ZC3H12B: variants seen among roughly 807,000 people sequenced by gnomAD.
ZC3H12B encodes probable ribonuclease ZC3H12B.
In ZC3H12B, 7 loss-of-function variants were observed where a neutral mutation model predicts 43.9. That is an observed-to-expected ratio of 0.16 (90% confidence interval 0.09 to 0.30). ZC3H12B has a LOEUF of 0.30. Among genes scored for constraint, ZC3H12B ranks in the 10% least tolerant of loss-of-function variants. The pLI is 1.00. For synonymous variants in ZC3H12B, 222 were observed against 241.7 expected (o/e 0.92, Z 0.76); for missense variants, 475 against 670.2 (o/e 0.71, Z 3.22).
the ZC3H12B span, among the ~76,000 whole-genome samples, chrX:65,182,470 G>T: frequency 1.8e-5 from 2 of 110,669 alleles, no homozygotes; most frequent in East Asian, 5.6e-4. Context: ...CTTGTCCAAG[G>T]TCATGATGCT....
rs1289304821 is a variant in ZC3H12B at position 65,420,756 on chromosome X, TA to T, written n.407+22061del. 4.6e-5 allele frequency among the ~76,000 whole-genome samples: 5 copies of T among 108,705 alleles called. 1 individual carries two copies. The highest frequency in any genetic ancestry group is 1.9e-5 in the Non-Finnish European group (1 of 52,012). 94.4% of individuals were successfully genotyped at this position (108,705 alleles called of 115,157 possible). A position where few individuals can be genotyped will look rare whatever the true frequency, so the allele number is the denominator to read the frequency against. On this transcript the variant is annotated intron_variant and non_coding_transcript_variant, in intron 3 of 5. Coordinates refer to the ZC3H12B transcript ENST00000617377. ...AGTTCCATAAATAAATAGAAACCAT[TA>T]AAAAAAAAGCCAAACAAAAATTTGG...
chrX:65,154,290 G>A, the ZC3H12B span, among the ~76,000 whole-genome samples: 167 of 111,296 alleles, frequency 1.5e-3, no homozygotes, highest in Non-Finnish European at 2.8e-3. Context: ...CACAAACATC[G>A]TATACATCTT....
chrX:65,344,941 A>G, the ZC3H12B span, among the ~76,000 whole-genome samples: 2 of 112,406 alleles, frequency 1.8e-5, no homozygotes, highest in Admixed American at 1.9e-4. Flanking sequence ...GTCAACAAGC[A>G]TATGAGGAAA....
upstream of ZC3H12B, among the ~76,000 whole-genome samples, chrX:65,361,987 C>T (rs111853537): frequency 3.6e-3 from 400 of 112,406 alleles, 3 homozygotes; most frequent in African/African-American, 0.012. Context: ...TAGGATCTTG[C>T]TTCAAGTGCC....
chrX:65,408,476 C>T, intron 3 of ZC3H12B: 1 of 1,211,274 alleles, frequency 8.3e-7, no homozygotes, highest in Non-Finnish European at 1.1e-6. Context: ...GCAAGCTCAG[C>T]ATCTTTCTTA....
chrX:65,117,464 C>A, the ZC3H12B span, among the ~76,000 whole-genome samples: 1 of 111,481 alleles, frequency 9.0e-6, no homozygotes, highest in Non-Finnish European at 1.9e-5. Flanking sequence ...GATATTAGAC[C>A]TTTGTCAGAT....
At chrX:65,256,027 A>G in the ZC3H12B span, among the ~76,000 whole-genome samples, 1 of 112,503 alleles carries the variant, frequency 8.9e-6, no homozygotes, top group Non-Finnish European at 1.9e-5. Flanking sequence ...GTAGCACACA[A>G]TTCATGAAAC....
chrX:65,129,926 A>T, the ZC3H12B span, among the ~76,000 whole-genome samples: 1 of 111,131 alleles, frequency 9.0e-6, no homozygotes, highest in African/African-American at 3.3e-5. Flanking sequence ...ATGTAGAATT[A>T]TTGGTGATGG....
the ZC3H12B span, among the ~76,000 whole-genome samples, chrX:65,310,224 A>G: frequency 8.9e-6 from 1 of 112,061 alleles, no homozygotes; most frequent in Non-Finnish European, 1.9e-5. Flanking sequence ...CTGTGTGCAG[A>G]TGATGTGATT....
chrX:65,234,534 A>G, the ZC3H12B span, among the ~76,000 whole-genome samples: 1 of 112,166 alleles, frequency 8.9e-6, no homozygotes, highest in African/African-American at 3.2e-5. Context: ...AGAAATAAAC[A>G]CAAGGTATTT....
chrX:65,070,816 G>GTTT, the ZC3H12B span, among the ~76,000 whole-genome samples: 6 of 56,048 alleles, frequency 1.1e-4, no homozygotes, highest in Admixed American at 4.1e-4. Flanking sequence ...TATGATTTCT[G>GTTT]TTTTTTTTTT....
At chrX:65,472,257 G>T (rs1045766614) in intron 3 of ZC3H12B, among the ~76,000 whole-genome samples, 35 of 111,399 alleles carry the variant, frequency 3.1e-4, no homozygotes, top group African/African-American at 1.0e-3. Flanking sequence ...TTATTGAGTT[G>T]CAAGTGTTCT....
At chrX:65,287,377 A>G in the ZC3H12B span, among the ~76,000 whole-genome samples, 1 of 111,831 alleles carries the variant, frequency 8.9e-6, no homozygotes, top group East Asian at 2.8e-4. Context: ...ATTCATACCA[A>G]GAGAAATTGG....
At chrX:65,344,487 C>T in the ZC3H12B span, among the ~76,000 whole-genome samples, 1 of 111,770 alleles carries the variant, frequency 8.9e-6, no homozygotes, top group African/African-American at 3.2e-5. Context: ...CCCTATTCAC[C>T]AAATGGTACT....
chrX:65,347,118 C>A, the ZC3H12B span, among the ~76,000 whole-genome samples: 1 of 112,222 alleles, frequency 8.9e-6, no homozygotes, highest in African/African-American at 3.2e-5. Context: ...CAGGCAGCAA[C>A]CTTTACTGTT....
intron 3 of ZC3H12B, among the ~76,000 whole-genome samples, chrX:65,449,773 G>A (rs970286467): frequency 9.0e-6 from 1 of 111,634 alleles, no homozygotes; most frequent in African/African-American, 3.3e-5. Context: ...AATACTGTAT[G>A]TTCTCACTTA....
At chrX:65,427,939 C>T (rs1341676960) in intron 3 of ZC3H12B, among the ~76,000 whole-genome samples, 4 of 111,949 alleles carry the variant, frequency 3.6e-5, no homozygotes, top group East Asian at 2.8e-4. Flanking sequence ...CCTTCATGAG[C>T]TCTTGTAAGG....
At chrX:65,394,394 G>A (rs1353235192) in intron 2 of ZC3H12B, among the ~76,000 whole-genome samples, 2 of 112,291 alleles carry the variant, frequency 1.8e-5, no homozygotes, top group African/African-American at 3.2e-5. Flanking sequence ...TGTAAGGAAC[G>A]GCTCCAGTTT....
chrX:65,370,944 C>T (rs1381773966), intron 2 of ZC3H12B, among the ~76,000 whole-genome samples: 2 of 111,739 alleles, frequency 1.8e-5, no homozygotes, highest in Non-Finnish European at 3.8e-5. Flanking sequence ...CCTGATTTTA[C>T]CACTGCCTAA....
Sources: gnomAD v4.1 joint callset for allele counts (sites outside exome capture counted in the v4.1 genomes callset) on GRCh38, gnomAD v4.1.1 for gene constraint, MANE v1.5 for transcripts, NCBI Gene and HGNC (gene_info 2026-07-23, HGNC 2026-07-21) for gene names.